The following SGCZ variants were observed in gnomAD, a reference collection of about 807,000 sequenced individuals.
The protein encoded by SGCZ is zeta-sarcoglycan.
A neutral mutation model predicts 41.3 loss-of-function variants in SGCZ; 40 were observed. The observed-to-expected ratio is 0.97, with a 90% CI of 0.75 to 1.26. The LOEUF (loss-of-function observed/expected upper bound fraction) is 1.26. Ranked by LOEUF, SGCZ falls within the 50% of genes most tolerant of loss-of-function variation. The pLI is 0.00. For missense variants in SGCZ, 552 were observed against 369.8 expected, an observed-to-expected ratio of 1.49 and a Z score of -4.04; for synonymous variants, 206 against 137.5, an observed-to-expected ratio of 1.50 and a Z score of -3.49.
At chr8:14,204,431 G>A (rs924020368) in intron 4 of SGCZ, among the ~76,000 whole-genome samples, 1 of 152,290 alleles carries the variant, frequency 6.6e-6, no homozygotes, top group African/African-American at 2.4e-5. Flanking sequence ...ATGGGTGAAT[G>A]TGAGTCCTTC....
chr8:14,860,708 G>GAAAGAAAGAAAGAAAGAAAGAAAGAA (rs1554513265), intron 1 of SGCZ, among the ~76,000 whole-genome samples: 13 of 132,764 alleles, frequency 9.8e-5, no homozygotes, highest in African/African-American at 3.4e-4. Context: ...AAGAAAGAAA[G>GAAAGAAAGAAAGAAAGAAAGAAAGAA]AGAAAGAAAG....
intron 5 of SGCZ, among the ~76,000 whole-genome samples, chr8:14,142,951 G>A (rs574726011): frequency 7.4e-4 from 111 of 150,610 alleles, no homozygotes; most frequent in Middle Eastern, 3.4e-3. Flanking sequence ...TATGCTTCCT[G>A]TATAGCCTGT....
chr8:15,082,184 G>A lies in SGCZ; in HGVS notation c.39+155401C>T, dbSNP rs527741911. Among the ~76,000 whole-genome samples the A allele has an allele frequency of 8.6e-5, 13 of 151,934 alleles. 1 individual carries two copies. The highest frequency in any genetic ancestry group is 5.8e-4 in the East Asian group (3 of 5,134). On this transcript the variant is annotated intron_variant, in intron 1 of 7. Transcript: ENST00000382080. ...GCAGAGTTTGCAGTGAGCCGAGATC[G>A]TGACAATGCACCCCAGCCTGGGCAA... is the stretch of plus-strand genomic sequence containing the variant.
intron 4 of SGCZ, among the ~76,000 whole-genome samples, chr8:14,178,423 C>G (rs546931920): frequency 6.6e-6 from 1 of 152,222 alleles, no homozygotes. Context: ...CCTATTGAGG[C>G]TAGCAAACCA....
chr8:14,481,700 G>C (rs894146382), intron 2 of SGCZ, among the ~76,000 whole-genome samples: 1 of 151,910 alleles, frequency 6.6e-6, no homozygotes, highest in African/African-American at 2.4e-5. Flanking sequence ...TTTATACTAG[G>C]AGAATGGATT....
rs1200226227 is a variant in SGCZ at position 14,485,296 on chromosome 8, G to A, written c.234+69436C>T. Among the ~76,000 whole-genome samples the A allele has an allele frequency of 2.0e-5, 3 of 152,224 alleles. No homozygotes were observed. The East Asian group carries it at 5.8e-4, about 29-fold the overall frequency. ...CCCCTGCCCCCGCTGGAATGCAGTG[G>A]CATGATCTTGGCTCACTGCAACCTT... On this transcript the variant is annotated intron_variant, in intron 2 of 7. Coordinates refer to ENST00000382080, the MANE Select transcript of SGCZ (RefSeq NM_139167.4).
In SGCZ at chr8:14,203,864, T is replaced by C. The variant is rs1461463159; in HGVS notation, c.424+33728A>G. Among the ~76,000 whole-genome samples, 7 of 151,932 alleles carry C rather than the reference T, an allele frequency of 4.6e-5. No individual in the cohort carries two copies. In the East Asian group the frequency reaches 1.2e-3, roughly 25 times the overall value. The stretch of plus-strand genomic sequence containing the variant: ...ATGGAATGAAAGTGTAAGAGACCTG[T>C]AAGAATTATCTAGGAAAGGAATTGG... On this transcript the variant is annotated intron_variant, in intron 4 of 7. Coordinates refer to ENST00000382080, the MANE Select transcript of SGCZ (RefSeq NM_139167.4).
At chr8:14,148,764 T>A (rs533360083) in intron 5 of SGCZ, among the ~76,000 whole-genome samples, 1 of 152,202 alleles carries the variant, frequency 6.6e-6, no homozygotes, top group Admixed American at 6.5e-5. Context: ...CAAAATCTGA[T>A]GAATATTGAT....
intron 3 of SGCZ, among the ~76,000 whole-genome samples, chr8:14,259,053 C>G (rs1033535357): frequency 8.5e-5 from 13 of 152,268 alleles, no homozygotes; most frequent in African/African-American, 3.1e-4. Context: ...AGTCTTCCCT[C>G]TATACTTTAG....
At chr8:14,273,527 CA>C (rs1404440886) in intron 3 of SGCZ, among the ~76,000 whole-genome samples, 12 of 152,158 alleles carry the variant, frequency 7.9e-5, no homozygotes, top group Admixed American at 3.3e-4. Flanking sequence ...CCAATCCTCA[CA>C]GAGACATTTA....
intron 1 of SGCZ, among the ~76,000 whole-genome samples, chr8:14,975,907 C>A (rs1009226028): frequency 2.7e-5 from 4 of 148,054 alleles, no homozygotes; most frequent in South Asian, 2.1e-4. Flanking sequence ...TATATATACA[C>A]ACACATATCT....
chr8:14,370,286 G>A (rs1803864694), intron 2 of SGCZ, among the ~76,000 whole-genome samples: 1 of 151,938 alleles, frequency 6.6e-6, no homozygotes, highest in South Asian at 2.1e-4. Context: ...ATTAAATATA[G>A]GAAATTGTTG....
At chr8:14,981,720 A>C (rs1801668479) in intron 1 of SGCZ, among the ~76,000 whole-genome samples, 1 of 152,230 alleles carries the variant, frequency 6.6e-6, no homozygotes, top group Non-Finnish European at 1.5e-5. Flanking sequence ...CAGGAGAAAC[A>C]AGCATGACAA....
chr8:14,439,108 T>C (rs572259266), intron 2 of SGCZ, among the ~76,000 whole-genome samples: 1 of 152,058 alleles, frequency 6.6e-6, no homozygotes, highest in South Asian at 2.1e-4. Flanking sequence ...GAGGAAAAGA[T>C]TCGATTCCCC....
intron 2 of SGCZ, among the ~76,000 whole-genome samples, chr8:14,443,196 G>A (rs1471675501): frequency 6.6e-6 from 1 of 152,174 alleles, no homozygotes; most frequent in Admixed American, 6.5e-5. Flanking sequence ...CCATGCTCAT[G>A]GGTAGGAAGA....
At chr8:14,810,780 GGTTT>G (rs1801715362) in intron 1 of SGCZ, among the ~76,000 whole-genome samples, 1 of 151,800 alleles carries the variant, frequency 6.6e-6, no homozygotes, top group Non-Finnish European at 1.5e-5. Flanking sequence ...TATAAATTCA[GGTTT>G]GTTTATTTAC....
intron 1 of SGCZ, among the ~76,000 whole-genome samples, chr8:15,096,055 G>A (rs537940912): frequency 7.4e-4 from 113 of 152,062 alleles, no homozygotes; most frequent in African/African-American, 2.7e-3. Context: ...CATACGAGAA[G>A]TAGTTTCTTT....
chr8:14,447,755 C>T (rs181535797), intron 2 of SGCZ, among the ~76,000 whole-genome samples: 10 of 152,262 alleles, frequency 6.6e-5, no homozygotes, highest in Admixed American at 2.6e-4. Context: ...TGAAAGACTC[C>T]ATCTGGCTTT....
rs184771921 is a variant in SGCZ at position 14,974,587 on chromosome 8, A to C, written c.39+262998T>G. 1.5e-3 allele frequency among the ~76,000 whole-genome samples: 224 copies of C among 152,286 alleles called. 1 individual carries two copies. Among genetic ancestry groups the C allele is most frequent in the Non-Finnish European group, 2.0e-3 (139 of 68,006 alleles). The stretch of plus-strand genomic sequence containing the variant: ...CCACAACCCACACCAATTAAATCAC[A>C]ATGTTTTGAAGTGAAACCCAACTTC... On this transcript the variant is annotated intron_variant, in intron 1 of 7. Coordinates refer to ENST00000382080, the MANE Select transcript of SGCZ (RefSeq NM_139167.4).
Sources: allele counts gnomAD v4.1 joint callset (sites outside exome capture counted in the v4.1 genomes callset), GRCh38; gene constraint gnomAD v4.1.1; transcripts MANE v1.5; gene names NCBI Gene and HGNC (gene_info 2026-07-23, HGNC 2026-07-21).